MYBPC2: variants seen among roughly 807,000 people sequenced by gnomAD.
MYBPC2 encodes the protein myosin binding protein C2.
MYBPC2 carries 122 observed loss-of-function variants against 137.0 expected under a neutral mutation model. The observed-to-expected ratio is 0.89, with a 90% confidence interval of 0.77 to 1.03. The LOEUF (loss-of-function observed/expected upper bound fraction) is 1.03. Ranked by LOEUF, MYBPC2 falls within the 50% of genes least tolerant of loss-of-function variation. The pLI is 0.00. For missense variants in MYBPC2, 1,500 were observed against 1,534.4 expected, an observed-to-expected ratio of 0.98 and a Z score of 0.37; for synonymous variants, 626 against 612.3, an observed-to-expected ratio of 1.02 and a Z score of -0.33.
intron 24 of MYBPC2, 65 bp downstream of exon 24, chr19:50,460,244 C>G: frequency 6.6e-7 from 1 of 1,520,322 alleles, no homozygotes; most frequent in East Asian, 2.4e-5. Context: ...GCAGATGTCC[C>G]CCGTTCACAG....
At position 50,433,435 on chromosome 19, in the gene MYBPC2, C is replaced by T. The variant is rs1428822549; in HGVS notation, c.19+463C>T. ...TGGTTTTTTTTTTGAGATGGAGTCT[C>T]GCTCTGCCCCCGGGGCTGGACTGCA... On this transcript the variant is annotated intron_variant, in intron 1 of 27. Coordinates refer to ENST00000357701, the MANE Select transcript of MYBPC2 (RefSeq NM_004533.4). Among the ~76,000 whole-genome samples the T allele has an allele frequency of 4.0e-5, 6 of 150,802 alleles. No homozygotes were observed. The South Asian group carries it at 8.4e-4, about 21-fold the overall frequency.
At chr19:50,464,670 G>A in intron 27 of MYBPC2, 138 bp downstream of exon 27, 2 of 1,070,514 alleles carry the variant, frequency 1.9e-6, no homozygotes, top group Non-Finnish European at 2.6e-6. Context: ...CTGGGAAGCT[G>A]CTGTCCTGAA....
intron 6 of MYBPC2, 46 bp from the exon 7 acceptor site, chr19:50,437,613 G>T: frequency 1.3e-6 from 2 of 1,593,420 alleles, no homozygotes; most frequent in Non-Finnish European, 1.7e-6. Context: ...AAGGCAAGGG[G>T]TGAATCTGAA....
In MYBPC2 at chr19:50,435,069, G is replaced by A; in HGVS notation, c.20-92G>A. The A allele has an allele frequency of 2.8e-6, 2 of 701,760 alleles. No homozygotes were observed. The highest frequency in any genetic ancestry group is 2.6e-6 in the Non-Finnish European group (1 of 379,870). The allele number at this position is 701,760 out of a possible 1,614,324, so 43.5% of individuals were successfully genotyped here. Reference sequence around the variant, plus strand: ...GGCCTGGACTCCTGGGTCTGAGGGAGGAGGGGCTGGGGGGTCTGGACTCCT... The same window carrying A: ...GGCCTGGACTCCTGGGTCTGAGGGAAGAGGGGCTGGGGGGTCTGGACTCCT... On this transcript the variant is annotated intron_variant, in intron 1 of 27. Transcript: ENST00000357701. This position sits in a 1 kb window ranked among gnomAD's most constrained non-coding sequence, Gnocchi z 4.8.
Position 50,455,093 on chromosome 19 carries a change from G to A in MYBPC2, c.2015-15G>A. The A allele has an allele frequency of 1.2e-6, 2 of 1,601,564 alleles. No individual in the cohort carries two copies. Among genetic ancestry groups the A allele is most frequent in the Non-Finnish European group, 1.7e-6 (2 of 1,173,864 alleles). On this transcript the variant is annotated splice_polypyrimidine_tract_variant and intron_variant, in intron 18 of 27. Coordinates refer to ENST00000357701, the MANE Select transcript of MYBPC2 (RefSeq NM_004533.4). ...CCTCCCGTTCCCTCTTCTCCTCTCT[G>A]CTTGGAGCCTCCAGGGTACCTCGTA... is the stretch of plus-strand genomic sequence containing the variant.
Position 50,452,016 on chromosome 19 carries a change from C to A in MYBPC2, c.1749+13C>A, listed in dbSNP as rs1568664403. Reference sequence around the variant, plus strand: ...GAAGGGAGATGAGGTGGGTTGGGGCCGCCCCTCTGTCCTCACTCCCTTTCC... The same window carrying A: ...GAAGGGAGATGAGGTGGGTTGGGGCAGCCCCTCTGTCCTCACTCCCTTTCC... On this transcript the variant is annotated intron_variant, in intron 16 of 27. Coordinates refer to ENST00000357701, the MANE Select transcript of MYBPC2 (RefSeq NM_004533.4). 6.4e-7 allele frequency: 1 copy of A among 1,551,566 alleles called. No homozygotes were observed. Among genetic ancestry groups the A allele is most frequent in the Admixed American group, 2.0e-5 (1 of 50,988 alleles).
rs2040003344 is a variant in MYBPC2, at chr19:50,465,095, T to G, written c.3415+563T>G. ...TCCCTCCTGCCAGCCACTTTCACCC[T>G]TGGACTCTGGCCCCAGAGAGCTCTC... On this transcript the variant is annotated intron_variant, in intron 27 of 27. Coordinates refer to ENST00000357701, the MANE Select transcript of MYBPC2 (RefSeq NM_004533.4). The surrounding 1 kb of genome is among the most constrained non-coding windows in gnomAD (Gnocchi z 4.5). 6.6e-6 allele frequency among the ~76,000 whole-genome samples: 1 copy of G among 152,042 alleles called. No individual in the cohort carries two copies. Among genetic ancestry groups the G allele is most frequent in the African/African-American group, 2.4e-5 (1 of 41,392 alleles).
chr19:50,437,436 C>G (rs764991320), intron 5 of MYBPC2, 37 bp from the exon 6 acceptor site: 10 of 1,596,588 alleles, frequency 6.3e-6, no homozygotes, highest in Non-Finnish European at 8.5e-6. Flanking sequence ...GCCCTGGCCT[C>G]TAACTCACCT....
At chr19:50,455,672 G>A in intron 20 of MYBPC2, 28 bp downstream of exon 20, 1 of 1,611,068 alleles carries the variant, frequency 6.2e-7, no homozygotes, top group Non-Finnish European at 8.5e-7. Context: ...GGCTGGTGGG[G>A]GTGGTGGCTA....
Position 50,454,282 on chromosome 19 carries a change from G to A in MYBPC2, c.1927G>A (p.Glu643Lys), listed in dbSNP as rs1442732522. The A allele has an allele frequency of 6.2e-7, 1 of 1,613,960 alleles. No individual in the cohort carries two copies. Among genetic ancestry groups the A allele is most frequent in the Admixed American group, 1.7e-5 (1 of 60,008 alleles). ...CCCTGCAGATGTCCCAGACCCCCCG[G>A]AGGCTGTGCGCATCACCTCGGTTGG... ...LQVVDVPDPP[E>K]AVRITSVGED... The change falls in exon 18 of 28, where the codon GAG becomes AAG. Residue 643 changes from glutamate to lysine, a missense_variant. Coordinates refer to ENST00000357701, the MANE Select transcript of MYBPC2 (RefSeq NM_004533.4).
Position 50,461,688 on chromosome 19 carries a change from C to T in MYBPC2, c.3078C>T (p.Arg1026=). Residue 1026 remains arginine (R), a synonymous_variant, in exon 25 of 28, where the codon CGC becomes CGT. Transcript: ENST00000357701. ...CTGGTGTCTCCAAGAACACGGCCCG[C>T]ATCCTCAAGACAGGTACAGCCATCC... ...DSPGVSKNTA[R]ILKTGITFKP... is the part of the protein sequence containing the mutation. 6.2e-7 allele frequency: 1 copy of T among 1,613,582 alleles called. No individual in the cohort carries two copies. Among genetic ancestry groups the T allele is most frequent in the South Asian group, 1.1e-5 (1 of 91,020 alleles).
In MYBPC2 at chr19:50,435,244, C is replaced by A; in HGVS notation, c.103C>A (p.Pro35Thr). 8.0e-7 allele frequency: 1 copy of A among 1,245,580 alleles called. No individual in the cohort carries two copies. 77.2% of individuals were successfully genotyped at this position (1,245,580 alleles called of 1,614,324 possible). A position where few individuals can be genotyped will look rare whatever the true frequency, so the allele number is the denominator to read the frequency against. The stretch of plus-strand genomic sequence containing the variant: ...CCCTAAGGAGGCTCCTGCAGAGGCC[C>A]CCAAAGGTGAGGAGGTGCTCCCTCG... Reference protein sequence around the residue: ...APPKEAPAEAPKEAPPEDQSP... With the variant: ...APPKEAPAEATKEAPPEDQSP... Residue 35 changes from proline (P) to threonine (T), a missense_variant, in exon 2 of 28, where the codon CCC (proline) becomes ACC (threonine). Transcript: ENST00000357701. This position sits in a 1 kb window ranked among gnomAD's most constrained non-coding sequence, Gnocchi z 4.8.
chr19:50,457,833 C>T (rs542097917), intron 20 of MYBPC2, among the ~76,000 whole-genome samples: 1 of 151,584 alleles, frequency 6.6e-6, no homozygotes, highest in Non-Finnish European at 1.5e-5. Context: ...GTGCCTGCCA[C>T]CTTGCCCGGC....
rs997206993 is a variant in MYBPC2 at position 50,466,056 on chromosome 19, C to A, written c.3416-139C>A. The A allele has an allele frequency of 6.7e-6, 8 of 1,201,460 alleles. No homozygotes were observed. Among genetic ancestry groups the A allele is most frequent in the Non-Finnish European group, 9.4e-6 (8 of 849,770 alleles). 74.4% of individuals were successfully genotyped at this position (1,201,460 alleles called of 1,614,324 possible). ...AGCACTGTGACTCTGGGTTGTCCAGCCACAGTGGCCTAGGATGGGGCGGGA... is the reference window on the plus strand; with the variant it reads ...AGCACTGTGACTCTGGGTTGTCCAGACACAGTGGCCTAGGATGGGGCGGGA... On this transcript the variant is annotated intron_variant, in intron 27 of 27. Coordinates refer to ENST00000357701, the MANE Select transcript of MYBPC2 (RefSeq NM_004533.4). This position sits in a 1 kb window ranked among gnomAD's most constrained non-coding sequence, Gnocchi z 4.9.
intron 11 of MYBPC2, 113 bp downstream of exon 11, chr19:50,443,929 C>T: frequency 2.1e-6 from 2 of 944,814 alleles, no homozygotes; most frequent in South Asian, 1.7e-5. Context: ...GACCTTTACT[C>T]AGTAGTCATC....
chr19:50,434,134 G>A (rs544920931), intron 1 of MYBPC2, among the ~76,000 whole-genome samples: 78 of 152,212 alleles, frequency 5.1e-4, no homozygotes, highest in African/African-American at 1.8e-3. Flanking sequence ...AAGGTGGGTG[G>A]ATCACCTGAG....
chr19:50,455,631 C>G lies in MYBPC2; in HGVS notation c.2325C>G (p.Tyr775Ter), dbSNP rs1381929601. 1 of 1,613,872 alleles carries G rather than the reference C, an allele frequency of 6.2e-7. No homozygotes were observed. The highest frequency in any genetic ancestry group is 8.5e-7 in the Non-Finnish European group (1 of 1,179,846). Reference protein sequence around the residue: ...AGGIDGYLVEYCLEGSEEWVP... With the variant: ...AGGIDGYLVE Reference sequence around the variant, plus strand: ...GCATCGATGGGTACCTGGTGGAGTACTGCCTGGAAGGCTGTGAGTGACCCT... The same window carrying G: ...GCATCGATGGGTACCTGGTGGAGTAGTGCCTGGAAGGCTGTGAGTGACCCT... The change falls in exon 20 of 28, where the codon TAC (tyrosine) becomes TAG (stop). Residue 775 changes from tyrosine (Y) to a stop codon, truncating the protein, a stop_gained. Coordinates refer to ENST00000357701, the MANE Select transcript of MYBPC2 (RefSeq NM_004533.4). LOFTEE classifies it high-confidence loss of function.
At position 50,462,973 on chromosome 19, in the gene MYBPC2, T is replaced by C. The variant is rs367819598; in HGVS notation, c.3228+937T>C. 2.5e-4 allele frequency among the ~76,000 whole-genome samples: 38 copies of C among 152,250 alleles called. No individual in the cohort carries two copies. The South Asian group carries it at 6.0e-3, about 24-fold the overall frequency. On this transcript the variant is annotated intron_variant, in intron 26 of 27. Transcript: ENST00000357701. ...TGCCAGTCCCATGGAAAAAGAAACG[T>C]TGGGAGCAGGGGCAGCCTAGACCAG...
rs1368438052 is a variant in MYBPC2 at position 50,452,023 on chromosome 19, C to T, written c.1749+20C>T. ...GATGAGGTGGGTTGGGGCCGCCCCTCTGTCCTCACTCCCTTTCCGTTTAGG... is the reference window on the plus strand; with the variant it reads ...GATGAGGTGGGTTGGGGCCGCCCCTTTGTCCTCACTCCCTTTCCGTTTAGG... On this transcript the variant is annotated intron_variant, in intron 16 of 27. Transcript: ENST00000357701. The T allele has an allele frequency of 6.5e-7, 1 of 1,550,344 alleles. No homozygotes were observed. Among genetic ancestry groups the T allele is most frequent in the African/African-American group, 1.4e-5 (1 of 72,992 alleles).
Sources: gnomAD v4.1 joint callset for allele counts (sites outside exome capture counted in the v4.1 genomes callset) on GRCh38, gnomAD v4.1.1 for gene constraint, Gnocchi (gnomAD v3.1) non-coding constraint, MANE v1.5 for transcripts, NCBI Gene and HGNC (gene_info 2026-07-23, HGNC 2026-07-21) for gene names.